The following CACNB2 variants were observed in gnomAD, a reference collection of about 807,000 sequenced individuals.
CACNB2 encodes the protein voltage-dependent L-type calcium channel subunit beta-2.
Under a neutral mutation model 73.3 loss-of-function variants are expected in CACNB2, and 42 were observed. That is an observed-to-expected ratio of 0.57 (90% CI 0.45 to 0.74). The LOEUF is 0.74. CACNB2 is among the 30% of genes least tolerant of loss of function. CACNB2 has a pLI of 0.00. For synonymous variants in CACNB2, 348 were observed against 310.3 expected (o/e 1.12, Z -1.28); for missense variants, 940 against 853.0 (o/e 1.10, Z -1.27).
intron 2 of CACNB2, among the ~76,000 whole-genome samples, chr10:18,162,347 C>A (rs2032527721): frequency 6.6e-6 from 1 of 152,022 alleles, no homozygotes; most frequent in Admixed American, 6.6e-5. Flanking sequence ...ACATGGTAAG[C>A]CAGAATGCCC....
chr10:18,313,056 C>T (rs2040020701), intron 2 of CACNB2, among the ~76,000 whole-genome samples: 1 of 152,030 alleles, frequency 6.6e-6, no homozygotes, highest in South Asian at 2.1e-4. Context: ...GCCTAGCATG[C>T]ACTAAGAATT....
intron 2 of CACNB2, among the ~76,000 whole-genome samples, chr10:18,303,040 C>G (rs529040577): frequency 1.3e-5 from 2 of 152,210 alleles, no homozygotes; most frequent in South Asian, 4.2e-4. Flanking sequence ...TCACGGGGGT[C>G]TCCTTAGACT....
intron 2 of CACNB2, among the ~76,000 whole-genome samples, chr10:18,310,143 A>G (rs1049230412): frequency 6.6e-6 from 1 of 151,608 alleles, no homozygotes; most frequent in Non-Finnish European, 1.5e-5. Context: ...TTTCTGTTGT[A>G]TTTTCAGCAA....
chr10:18,347,466 C>T (rs1797291858), intron 2 of CACNB2, among the ~76,000 whole-genome samples: 1 of 149,028 alleles, frequency 6.7e-6, no homozygotes, highest in Admixed American at 6.8e-5. Flanking sequence ...GCTGGGATTA[C>T]AGGCTTGAGC....
Position 18,536,087 on chromosome 10 carries a change from A to G in CACNB2, c.1207-14A>G. ...GTAGTTATTACTCTGTTAAAAACTC[A>G]TTATCTTTTACAGGTTTTACAAAGG... On this transcript the variant is annotated splice_polypyrimidine_tract_variant and intron_variant, in intron 11 of 13. Coordinates refer to ENST00000324631, the MANE Select transcript of CACNB2 (RefSeq NM_201596.3). 1 of 1,514,488 alleles carries G rather than the reference A, an allele frequency of 6.6e-7. No individual in the cohort carries two copies. Among genetic ancestry groups the G allele is most frequent in the Non-Finnish European group, 9.2e-7 (1 of 1,089,998 alleles). The allele number at this position is 1,514,488 out of a possible 1,614,324, so 93.8% of individuals were successfully genotyped here.
intron 10 of CACNB2, chr10:18,533,002 T>C (rs541188874): frequency 3.9e-5 from 6 of 152,078 alleles, no homozygotes; most frequent in African/African-American, 9.6e-5. Flanking sequence ...TCATAACATA[T>C]TGTGAGGCAG....
At chr10:18,516,564 T>A (rs1426488629) in intron 7 of CACNB2, among the ~76,000 whole-genome samples, 1 of 152,232 alleles carries the variant, frequency 6.6e-6, no homozygotes, top group Non-Finnish European at 1.5e-5. Context: ...TTATCAGGAC[T>A]TGGCTTCTAA....
intron 3 of CACNB2, among the ~76,000 whole-genome samples, chr10:18,406,220 G>A (rs548958798): frequency 6.6e-6 from 1 of 152,344 alleles, no homozygotes; most frequent in African/African-American, 2.4e-5. Context: ...ACAATAGGTT[G>A]TGGGGAAGGG....
intron 2 of CACNB2, among the ~76,000 whole-genome samples, chr10:18,220,275 A>AGAGAGAGAGAGAGAGAG (rs1491552973): frequency 9.5e-6 from 1 of 105,452 alleles, no homozygotes; most frequent in Non-Finnish European, 1.9e-5. Flanking sequence ...AGAGAGAGAG[A>AGAGAGAGAGAGAGAGAG]AAGAGAGAGA....
At chr10:18,449,451 A>G (rs773142701) in intron 3 of CACNB2, among the ~76,000 whole-genome samples, 78 of 152,276 alleles carry the variant, frequency 5.1e-4, no homozygotes, top group Middle Eastern at 3.4e-3. Context: ...CTCTCCTGCA[A>G]CAAGTCGGGA....
intron 3 of CACNB2, among the ~76,000 whole-genome samples, chr10:18,480,210 T>G (rs751861870): frequency 2.7e-4 from 41 of 152,186 alleles, no homozygotes; most frequent in Non-Finnish European, 5.7e-4. Context: ...CTTGGATAGG[T>G]TTGTATATGC....
chr10:18,231,309 T>C (rs570274961), intron 2 of CACNB2, among the ~76,000 whole-genome samples: 3 of 152,316 alleles, frequency 2.0e-5, no homozygotes, highest in Admixed American at 2.0e-4. Flanking sequence ...CCCAAGTAGC[T>C]GGGATTACAG....
chr10:18,525,957 T>G (rs1437614844), intron 9 of CACNB2, among the ~76,000 whole-genome samples: 1 of 152,222 alleles, frequency 6.6e-6, no homozygotes, highest in African/African-American at 2.4e-5. Flanking sequence ...TCTTTTAGCT[T>G]TTAACTGTGA....
intron 2 of CACNB2, among the ~76,000 whole-genome samples, chr10:18,393,966 G>T (rs1371606807): frequency 6.6e-6 from 1 of 152,068 alleles, no homozygotes; most frequent in Non-Finnish European, 1.5e-5. Context: ...TTCCAAGTAG[G>T]AGTCTCACTC....
At position 18,369,375 on chromosome 10, in the gene CACNB2, T is replaced by C. The variant is rs1032046488; in HGVS notation, c.214-32549T>C. Among the ~76,000 whole-genome samples the C allele has an allele frequency of 2.6e-5, 4 of 152,194 alleles. No homozygotes were observed. The East Asian group carries it at 7.7e-4, about 29-fold the overall frequency. On this transcript the variant is annotated intron_variant, in intron 2 of 13. Coordinates refer to ENST00000324631, the MANE Select transcript of CACNB2 (RefSeq NM_201596.3). The stretch of plus-strand genomic sequence containing the variant: ...ATCCTGTACTTTGCTGTAGTATAGG[T>C]GGCAGTAGTCTAAACCTTGATCTTT...
At chr10:18,373,019 T>A (rs997664820) in intron 2 of CACNB2, among the ~76,000 whole-genome samples, 1 of 152,122 alleles carries the variant, frequency 6.6e-6, no homozygotes, top group African/African-American at 2.4e-5. Context: ...TCTCACTATG[T>A]TGCCCAGGCA....
At chr10:18,151,845 C>A (rs540602172) in intron 2 of CACNB2, among the ~76,000 whole-genome samples, 1 of 152,114 alleles carries the variant, frequency 6.6e-6, no homozygotes. Flanking sequence ...GCTCACTCTA[C>A]GGAACAGTGG....
chr10:18,166,939 G>A (rs61844175), intron 2 of CACNB2, among the ~76,000 whole-genome samples: 24,165 of 151,720 alleles, frequency 0.16, 2,066 homozygotes, highest in East Asian at 0.22. Flanking sequence ...AGAGGAGGGA[G>A]GTGCTTTCAG....
At chr10:18,351,993 G>A (rs1321510683) in intron 2 of CACNB2, among the ~76,000 whole-genome samples, 1 of 152,162 alleles carries the variant, frequency 6.6e-6, no homozygotes, top group Non-Finnish European at 1.5e-5. Context: ...CGTGTTCAGA[G>A]TCTCCTAAAA....
Sources: allele counts gnomAD v4.1 joint callset (sites outside exome capture counted in the v4.1 genomes callset), GRCh38; gene constraint gnomAD v4.1.1; transcripts MANE v1.5; gene names NCBI Gene and HGNC (gene_info 2026-07-23, HGNC 2026-07-21).